Variants in SOX5 observed in about 807,000 individuals in gnomAD.
SOX5 encodes the protein SRY-box transcription factor 5, also known as transcription factor SOX-5.
In SOX5, 9 loss-of-function variants were observed where a neutral mutation model predicts 92.0. The observed-to-expected ratio is 0.10, with a 90% CI of 0.06 to 0.17. The LOEUF is 0.17. SOX5 is among the 10% of genes least tolerant of loss of function. The pLI, the probability that SOX5 is intolerant of heterozygous loss-of-function variation, is 1.00. For missense variants in SOX5, 642 were observed against 944.5 expected (o/e 0.68, Z 4.20); for synonymous variants, 344 against 336.3 (o/e 1.02, Z -0.25).
chr12:24,018,588 G>A (rs370056990), intron 4 of SOX5, among the ~76,000 whole-genome samples: 21 of 152,090 alleles, frequency 1.4e-4, no homozygotes, highest in Non-Finnish European at 2.9e-4. Flanking sequence ...CTGAGGTCAG[G>A]AGTTCAAGAT....
chr12:23,649,362 C>T (rs2081271986), intron 7 of SOX5, among the ~76,000 whole-genome samples: 1 of 151,968 alleles, frequency 6.6e-6, no homozygotes, highest in Non-Finnish European at 1.5e-5. Flanking sequence ...AAAAACATTA[C>T]AACAGATTTA....
rs371832962 is a variant in SOX5 at position 23,675,401 on chromosome 12, A to G, written c.811-9837T>C. ...TTAGCCCAGAAATAACCCCAAGCCTACAAGGTCAACTAATTTTCAACAAAG... is the reference window on the plus strand; with the variant it reads ...TTAGCCCAGAAATAACCCCAAGCCTGCAAGGTCAACTAATTTTCAACAAAG... On this transcript the variant is annotated intron_variant, in intron 6 of 14. Coordinates refer to ENST00000451604, the MANE Select transcript of SOX5 (RefSeq NM_006940.6). Among the ~76,000 whole-genome samples the G allele has an allele frequency of 9.8e-5, 15 of 152,286 alleles. No individual in the cohort carries two copies. In the East Asian group the frequency reaches 1.9e-3, roughly 20 times the overall value.
intron 3 of SOX5, among the ~76,000 whole-genome samples, chr12:23,812,600 C>T (rs1169579755): frequency 6.6e-6 from 1 of 151,954 alleles, no homozygotes; most frequent in African/African-American, 2.4e-5. Flanking sequence ...AAGGCCAAAC[C>T]AACCAGGAGA....
intron 6 of SOX5, among the ~76,000 whole-genome samples, chr12:23,672,148 C>T (rs2084891242): frequency 6.6e-6 from 1 of 152,140 alleles, no homozygotes; most frequent in South Asian, 2.1e-4. Flanking sequence ...ACTACAAATA[C>T]TTTTGTCCCA....
chr12:23,999,786 C>CA (rs888161929), intron 4 of SOX5, among the ~76,000 whole-genome samples: 2 of 151,822 alleles, frequency 1.3e-5, no homozygotes, highest in African/African-American at 4.8e-5. Context: ...AGCTATCCTT[C>CA]AAAAAATGAA....
chr12:24,012,551 A>G (rs2136547659), intron 4 of SOX5, among the ~76,000 whole-genome samples: 1 of 152,304 alleles, frequency 6.6e-6, no homozygotes, highest in Non-Finnish European at 1.5e-5. Flanking sequence ...AATATCTCTG[A>G]CTCATCCTCA....
chr12:23,628,194 A>G (rs1305291116), intron 8 of SOX5, among the ~76,000 whole-genome samples: 1 of 152,078 alleles, frequency 6.6e-6, no homozygotes, highest in Non-Finnish European at 1.5e-5. Flanking sequence ...TAGTTATACT[A>G]TTCCTAATAA....
At chr12:23,857,590 G>A (rs1171179960) in intron 2 of SOX5, among the ~76,000 whole-genome samples, 1 of 152,116 alleles carries the variant, frequency 6.6e-6, no homozygotes, top group Admixed American at 6.6e-5. Context: ...TTCATCCATA[G>A]CCTGGTGATA....
chr12:24,092,295 G>A (rs1364879498), intron 4 of SOX5, among the ~76,000 whole-genome samples: 1 of 143,990 alleles, frequency 6.9e-6, no homozygotes, highest in Non-Finnish European at 1.5e-5. Flanking sequence ...CAGGCTTAGG[G>A]TACAATGCTG....
chr12:24,049,681 G>C (rs917496016), intron 4 of SOX5, among the ~76,000 whole-genome samples: 2 of 109,402 alleles, frequency 1.8e-5, no homozygotes, highest in Non-Finnish European at 3.4e-5. Flanking sequence ...TTGGAGGTAG[G>C]GGGAGAATCC....
chr12:24,253,016 CAA>C (rs1940447157), intron 3 of SOX5, among the ~76,000 whole-genome samples: 1 of 151,884 alleles, frequency 6.6e-6, no homozygotes, highest in Admixed American at 6.6e-5. Flanking sequence ...CCCCTGCAGC[CAA>C]GTTTTTTAAG....
intron 2 of SOX5, among the ~76,000 whole-genome samples, chr12:23,881,492 A>G (rs1055437988): frequency 2.6e-5 from 4 of 152,172 alleles, no homozygotes; most frequent in South Asian, 2.1e-4. Context: ...AAGTCCCCCA[A>G]TTTAAGAGAA....
chr12:23,670,326 CA>C (rs1420029754), intron 6 of SOX5, among the ~76,000 whole-genome samples: 2 of 152,048 alleles, frequency 1.3e-5, no homozygotes, highest in African/African-American at 4.8e-5. Flanking sequence ...AAGGAGAAAG[CA>C]AATGTAGACT....
intron 8 of SOX5, among the ~76,000 whole-genome samples, chr12:23,640,164 T>C (rs1441597061): frequency 2.0e-5 from 3 of 152,232 alleles, no homozygotes; most frequent in African/African-American, 4.8e-5. Context: ...TTACTATAAT[T>C]GTATTGATTT....
chr12:24,042,666 A>C (rs1405221159), intron 4 of SOX5, among the ~76,000 whole-genome samples: 1 of 152,146 alleles, frequency 6.6e-6, no homozygotes, highest in Non-Finnish European at 1.5e-5. Context: ...TATGTGGCAC[A>C]AAAAATTACT....
At chr12:23,628,270 A>G (rs10444415) in intron 8 of SOX5, among the ~76,000 whole-genome samples, 90,134 of 151,732 alleles carry the variant, frequency 0.59, 27,190 homozygotes, top group African/African-American at 0.7. Flanking sequence ...GCCATATGAA[A>G]AATACTTGGA....
chr12:24,102,252 A>T (rs1946176582), intron 4 of SOX5, among the ~76,000 whole-genome samples: 1 of 152,144 alleles, frequency 6.6e-6, no homozygotes. Context: ...AGAGGAGGAA[A>T]AAGTGATGGC....
chr12:24,334,206 T>C (rs1202964310), intron 2 of SOX5, among the ~76,000 whole-genome samples: 1 of 151,932 alleles, frequency 6.6e-6, no homozygotes, highest in Admixed American at 6.6e-5. Context: ...ATTTTCTGAA[T>C]ACAAAAACAA....
At chr12:23,608,951 A>G (rs1566288537) in intron 8 of SOX5, among the ~76,000 whole-genome samples, 2 of 152,216 alleles carry the variant, frequency 1.3e-5, no homozygotes, top group African/African-American at 4.8e-5. Flanking sequence ...ACTGATAAAC[A>G]GAAAACAATG....
Sources: allele counts gnomAD v4.1 joint callset (sites outside exome capture counted in the v4.1 genomes callset), GRCh38; gene constraint gnomAD v4.1.1; transcripts MANE v1.5; gene names NCBI Gene and HGNC (gene_info 2026-07-23, HGNC 2026-07-21).